RBFOX1: variants seen among roughly 807,000 people sequenced by gnomAD.
RBFOX1 encodes RNA binding protein fox-1 homolog 1.
In RBFOX1, 8 loss-of-function variants were observed where a neutral mutation model predicts 57.7. The ratio of observed to expected loss-of-function variants is 0.14; its 90% CI spans 0.08 to 0.25. The LOEUF (loss-of-function observed/expected upper bound fraction) is 0.25, where lower values mean the gene tolerates loss of function less well. Ranked by LOEUF, RBFOX1 falls within the 10% of genes least tolerant of loss-of-function variation. The pLI is 1.00. For synonymous variants in RBFOX1, 326 were observed against 222.4 expected (o/e 1.47, Z -4.15); for missense variants, 611 against 548.5 (o/e 1.11, Z -1.14).
intron 10 of RBFOX1, among the ~76,000 whole-genome samples, chr16:7,619,500 C>A (rs375457537): frequency 9.5e-5 from 6 of 62,934 alleles, no homozygotes; most frequent in African/African-American, 3.3e-4. Flanking sequence ...AATTTTAAGC[C>A]TAATCTGAGA....
chr16:6,897,310 G>A (rs1439907881), intron 3 of RBFOX1, among the ~76,000 whole-genome samples: 3 of 152,180 alleles, frequency 2.0e-5, no homozygotes, highest in Admixed American at 6.5e-5. Flanking sequence ...GGCTGAGGAG[G>A]GAGAATCGCT....
In RBFOX1 at chr16:5,990,650, G is replaced by C. The variant is rs188269570; in HGVS notation, c.351+123315G>C. On this transcript the variant is annotated intron_variant, in intron 4 of 19. Transcript: ENST00000641259. ...ATAGTTGCGGTGTATGGGGAAGGTG[G>C]GTGGGAGGGAGGCTTGTAAAGAGGA... is the stretch of plus-strand genomic sequence containing the variant. Among the ~76,000 whole-genome samples, 984 of 152,246 alleles carry C rather than the reference G, an allele frequency of 6.5e-3. 5 individuals carry two copies. Among genetic ancestry groups the C allele is most frequent in the South Asian group, 0.025 (122 of 4,810 alleles).
intron 3 of RBFOX1, among the ~76,000 whole-genome samples, chr16:6,700,797 A>G (rs1052199418): frequency 2.0e-5 from 3 of 152,190 alleles, no homozygotes; most frequent in African/African-American, 7.2e-5. Context: ...ATATCCCAGC[A>G]AGTAATTAAA....
At chr16:7,061,470 C>T (rs920784015) in intron 4 of RBFOX1, among the ~76,000 whole-genome samples, 11 of 151,978 alleles carry the variant, frequency 7.2e-5, no homozygotes, top group Admixed American at 6.6e-4. Context: ...TACAGGTGTC[C>T]ACTTTTCTTC....
At chr16:6,896,374 G>T (rs942820357) in intron 3 of RBFOX1, among the ~76,000 whole-genome samples, 4 of 152,098 alleles carry the variant, frequency 2.6e-5, no homozygotes, top group African/African-American at 9.7e-5. Flanking sequence ...TAATATGTAT[G>T]TCTTTTTCTT....
rs1445344476 is a variant in RBFOX1 at position 6,614,401 on chromosome 16, AG to A, written c.-63-40201del. Among the ~76,000 whole-genome samples the A allele has an allele frequency of 5.9e-5, 9 of 152,336 alleles. 1 individual carries two copies. The highest frequency in any genetic ancestry group is 2.2e-4 in the African/African-American group (9 of 41,572). On this transcript the variant is annotated intron_variant, in intron 2 of 15. Transcript: ENST00000550418. ...TTAGAAAGAATATTGGTATCTGCCT[AG>A]AAAGAAGATGGTTATTAAAAAGAAT...
At chr16:6,794,280 A>ATTTTTTTTTT in intron 3 of RBFOX1, among the ~76,000 whole-genome samples, 1 of 125,228 alleles carries the variant, frequency 8.0e-6, no homozygotes, top group Non-Finnish European at 1.6e-5. Flanking sequence ...CTTGTTCGTG[A>ATTTTTTTTTT]TTTTTTTTTT....
intron 4 of RBFOX1, among the ~76,000 whole-genome samples, chr16:7,134,478 C>T (rs1157995970): frequency 6.6e-6 from 1 of 152,180 alleles, no homozygotes. Context: ...TTTGGACTCA[C>T]AGTCATTTGA....
chr16:6,616,430 A>T (rs1567898609), intron 2 of RBFOX1, among the ~76,000 whole-genome samples: 1 of 151,566 alleles, frequency 6.6e-6, no homozygotes, highest in East Asian at 1.9e-4. Context: ...TAATCCCAAC[A>T]CTTCAGGAGG....
At chr16:6,931,601 C>T (rs1466291751) in intron 3 of RBFOX1, among the ~76,000 whole-genome samples, 2 of 152,078 alleles carry the variant, frequency 1.3e-5, no homozygotes, top group Non-Finnish European at 2.9e-5. Flanking sequence ...CATATCCCAC[C>T]CCACAACCAC....
At chr16:7,265,738 C>T (rs899319217) in intron 4 of RBFOX1, among the ~76,000 whole-genome samples, 2 of 152,154 alleles carry the variant, frequency 1.3e-5, no homozygotes, top group African/African-American at 4.8e-5. Context: ...CGTGAGCCAC[C>T]ATGCCTGGCC....
At chr16:5,522,083 G>A (rs2044043663) in intron 2 of RBFOX1, among the ~76,000 whole-genome samples, 1 of 152,240 alleles carries the variant, frequency 6.6e-6, no homozygotes, top group African/African-American at 2.4e-5. Flanking sequence ...GTGACCACAT[G>A]CTGGAGGCAG....
chr16:6,059,348 A>G (rs1414561066), intron 1 of RBFOX1: 1 of 152,210 alleles, frequency 6.6e-6, no homozygotes, highest in Non-Finnish European at 1.5e-5. Flanking sequence ...CTCTTGTGCA[A>G]GAGACTAGAA....
Position 5,879,679 on chromosome 16 carries a change from A to C in RBFOX1, c.351+12344A>C, listed in dbSNP as rs570629411. On this transcript the variant is annotated intron_variant, in intron 4 of 19. Transcript: ENST00000641259. ...TAGTCAGGAGAGGCTAAGCTATGCAAGTAACAAGTTAACCATGAAATCTCA... is the reference window on the plus strand; with the variant it reads ...TAGTCAGGAGAGGCTAAGCTATGCACGTAACAAGTTAACCATGAAATCTCA... Among the ~76,000 whole-genome samples, 8 of 152,316 alleles carry C rather than the reference A, an allele frequency of 5.3e-5. No individual in the cohort carries two copies. In the South Asian group the frequency reaches 1.7e-3, roughly 32 times the overall value.
At chr16:5,335,926 A>G (rs993609891) in intron 1 of RBFOX1, among the ~76,000 whole-genome samples, 14 of 152,206 alleles carry the variant, frequency 9.2e-5, no homozygotes, top group Non-Finnish European at 2.1e-4. Context: ...TGAGCCAGGT[A>G]CTGGGTCAAG....
At chr16:5,782,646 G>A (rs991794180) in intron 3 of RBFOX1, among the ~76,000 whole-genome samples, 1 of 152,200 alleles carries the variant, frequency 6.6e-6, no homozygotes, top group African/African-American at 2.4e-5. Context: ...GATACTGAAT[G>A]TGTGAGAGTG....
chr16:6,732,332 C>T (rs1056786868), intron 3 of RBFOX1, among the ~76,000 whole-genome samples: 33 of 152,318 alleles, frequency 2.2e-4, no homozygotes, highest in African/African-American at 7.7e-4. Flanking sequence ...TGTTCAGATT[C>T]TCACGAGAGA....
At chr16:6,832,786 C>G (rs1370923420) in intron 3 of RBFOX1, among the ~76,000 whole-genome samples, 1 of 152,166 alleles carries the variant, frequency 6.6e-6, no homozygotes, top group African/African-American at 2.4e-5. Context: ...GCTTGTGCTC[C>G]TAGGTGAGCA....
intron 4 of RBFOX1, among the ~76,000 whole-genome samples, chr16:7,317,483 A>G (rs1166558549): frequency 6.6e-6 from 1 of 152,168 alleles, no homozygotes; most frequent in Non-Finnish European, 1.5e-5. Flanking sequence ...CACTATCACC[A>G]TCGCCATTAG....
Sources: gnomAD v4.1 joint callset for allele counts (sites outside exome capture counted in the v4.1 genomes callset) on GRCh38, gnomAD v4.1.1 for gene constraint, MANE v1.5 for transcripts, NCBI Gene and HGNC (gene_info 2026-07-23, HGNC 2026-07-21) for gene names.